Variants in AGO2 observed in about 807,000 individuals in gnomAD.
The protein encoded by AGO2 is argonaute RISC catalytic component 2, also known as protein argonaute-2.
In AGO2, 5 loss-of-function variants were observed where a neutral mutation model predicts 102.3. That is an observed-to-expected ratio of 0.05 (90% CI 0.03 to 0.10). The LOEUF is 0.10. Among genes scored for constraint, AGO2 ranks in the 10% least tolerant of loss-of-function variants. The probability of loss-of-function intolerance (pLI) is 1.00; values close to 1 mark genes in which losing one functional copy is unlikely to be tolerated. For synonymous variants in AGO2, 449 were observed against 473.1 expected (o/e 0.95, Z 0.66); for missense variants, 541 against 1,183.7 (o/e 0.46, Z 7.97).
At chr8:140,549,573 A>T (rs947857614) in intron 11 of AGO2, among the ~76,000 whole-genome samples, 1 of 152,262 alleles carries the variant, frequency 6.6e-6, no homozygotes, top group African/African-American at 2.4e-5. Flanking sequence ...GTAACACAGC[A>T]GCCTTTAAAC....
Position 140,624,810 on chromosome 8 carries a change from A to T in AGO2, c.22+10675T>A, listed in dbSNP as rs192431313. On this transcript the variant is annotated intron_variant, in intron 1 of 18. Transcript: ENST00000220592. ...GACATCTTCTGAAACATCTGTCAAC[A>T]AGACGATGCCACTGGGATCTGCAAT... 7.0e-3 allele frequency among the ~76,000 whole-genome samples: 1,065 copies of T among 152,364 alleles called. 7 individuals are homozygous for T. Among genetic ancestry groups the T allele is most frequent in the Non-Finnish European group, 0.012 (839 of 68,028 alleles).
At chr8:140,629,901 GGGAGCGGAGGCGAGGGGAGGGGAGC>G (rs2074321061) in intron 1 of AGO2, among the ~76,000 whole-genome samples, 2 of 143,426 alleles carry the variant, frequency 1.4e-5, no homozygotes, top group Admixed American at 6.9e-5. Context: ...GGGAGGGGAG[GGGAGCGGAGGCGAGGGGAGGGGAGC>G]GGAGGGGAGA....
At chr8:140,628,425 C>T (rs866841389) in intron 1 of AGO2, among the ~76,000 whole-genome samples, 3 of 152,092 alleles carry the variant, frequency 2.0e-5, no homozygotes, top group East Asian at 1.9e-4. Context: ...TACCTGTGTG[C>T]GTGTGTGTAC....
At chr8:140,629,072 C>G (rs576470425) in intron 1 of AGO2, among the ~76,000 whole-genome samples, 228 of 152,176 alleles carry the variant, frequency 1.5e-3, no homozygotes, top group African/African-American at 5.2e-3. Context: ...GACTGGGCAA[C>G]AGAGAGAGAC....
At chr8:140,535,649 C>T (rs780863106) in intron 16 of AGO2, 80 bp from the exon 17 acceptor site, 19 of 1,384,608 alleles carry the variant, frequency 1.4e-5, no homozygotes, top group Admixed American at 3.4e-5. Context: ...CCGCGCCGCC[C>T]GCTGGCCAGG....
intron 1 of AGO2, among the ~76,000 whole-genome samples, chr8:140,595,949 T>TATATAATATATATTTTATATATA (rs1554708941): frequency 8.8e-6 from 1 of 113,764 alleles, no homozygotes; most frequent in Non-Finnish European, 1.7e-5. Flanking sequence ...ATATATATTT[T>TATATAATATATATTTTATATATA]ATATATAATA....
In AGO2 at chr8:140,558,550, G is replaced by A. The variant is rs1416829323; in HGVS notation, c.813C>T (p.His271=). Residue 271 remains histidine, a synonymous_variant, in exon 7 of 19, where the codon CAC becomes CAT. Transcript: ENST00000220592. ...GGTACTTCCTCTTCATCTGCCCACAGTGCGTTATCTCCACCTTTAGACCTG... is the reference window on the plus strand; with the variant it reads ...GGTACTTCCTCTTCATCTGCCCACAATGCGTTATCTCCACCTTTAGACCTG... ...EIKGLKVEIT[H]CGQMKRKYRV... The A allele has an allele frequency of 1.9e-6, 3 of 1,614,244 alleles. No homozygotes were observed. The highest frequency in any genetic ancestry group is 2.5e-6 in the Non-Finnish European group (3 of 1,180,042).
At chr8:140,552,738 GCGCACACACACACA>G (rs766698753) in intron 10 of AGO2, among the ~76,000 whole-genome samples, 1,743 of 97,408 alleles carry the variant, frequency 0.018, 33 homozygotes, top group African/African-American at 0.072. Context: ...ACGCGCGCGC[GCGCACACACACACA>G]CACACACACA....
chr8:140,571,110 A>G (rs1418947100), intron 3 of AGO2, among the ~76,000 whole-genome samples: 2 of 152,224 alleles, frequency 1.3e-5, no homozygotes, highest in African/African-American at 4.8e-5. Flanking sequence ...CATTTGGTCT[A>G]GGACTTGCTC....
intron 11 of AGO2, among the ~76,000 whole-genome samples, chr8:140,550,340 T>C (rs1488802912): frequency 3.3e-5 from 5 of 152,224 alleles, no homozygotes; most frequent in Admixed American, 2.6e-4. Context: ...AAAGACTTTA[T>C]GTTCCCTTTG....
rs772281847 is a variant in AGO2 at position 140,557,557 on chromosome 8, C to T, written c.879-321G>A. Reference sequence around the variant, plus strand: ...AAGGCCTGCGCGTCTTCCAGCAGACCGTGGTGACCCTGGAAGCCTTTTACG... The same window carrying T: ...AAGGCCTGCGCGTCTTCCAGCAGACTGTGGTGACCCTGGAAGCCTTTTACG... On this transcript the variant is annotated intron_variant, in intron 7 of 18. Transcript: ENST00000220592. The surrounding 1 kb of genome is among the most constrained non-coding windows in gnomAD (Gnocchi z 5.9). 3.3e-5 allele frequency among the ~76,000 whole-genome samples: 5 copies of T among 152,200 alleles called. No individual in the cohort carries two copies. The highest frequency in any genetic ancestry group is 5.9e-5 in the Non-Finnish European group (4 of 68,044).
chr8:140,578,534 G>A (rs561070840), intron 2 of AGO2, among the ~76,000 whole-genome samples: 1 of 152,336 alleles, frequency 6.6e-6, no homozygotes, highest in South Asian at 2.1e-4. Context: ...GCAGGCACTG[G>A]AAAGTGAGCA....
At position 140,524,774 on chromosome 8, in the gene AGO2, A is replaced by T. The variant is rs1394342299; in HGVS notation, c.*7270T>A. The T allele has an allele frequency of 6.6e-6, 1 of 151,588 alleles. No homozygotes were observed. The highest frequency in any genetic ancestry group is 1.5e-5 in the Non-Finnish European group (1 of 67,992). 9.4% of individuals were successfully genotyped at this position (151,588 alleles called of 1,614,324 possible). On this transcript the variant is annotated 3_prime_UTR_variant, in exon 19 of 19. Transcript: ENST00000220592. ...GCACACAACTCCCAGAGTTCAAAGGAGCCCCGGACCCCTACACGAGCACCC... is the reference window on the plus strand; with the variant it reads ...GCACACAACTCCCAGAGTTCAAAGGTGCCCCGGACCCCTACACGAGCACCC...
At chr8:140,546,040 G>A (rs1403800130) in intron 13 of AGO2, among the ~76,000 whole-genome samples, 1 of 152,160 alleles carries the variant, frequency 6.6e-6, no homozygotes, top group Non-Finnish European at 1.5e-5. Flanking sequence ...CAGGACTTCC[G>A]GCCCGGTGCT....
At chr8:140,584,105 CG>C (rs1383665903) in intron 2 of AGO2, among the ~76,000 whole-genome samples, 2 of 141,228 alleles carry the variant, frequency 1.4e-5, no homozygotes, top group African/African-American at 5.3e-5. Context: ...AAAACTCTCA[CG>C]GATCAATAAC....
At chr8:140,561,423 G>A (rs780812728) in intron 4 of AGO2, among the ~76,000 whole-genome samples, 2 of 152,202 alleles carry the variant, frequency 1.3e-5, no homozygotes, top group Non-Finnish European at 2.9e-5. Flanking sequence ...ATTAATGTAA[G>A]TAATCCAAAG....
intron 1 of AGO2, among the ~76,000 whole-genome samples, chr8:140,617,867 A>C (rs1237919576): frequency 1.3e-5 from 2 of 152,066 alleles, no homozygotes; most frequent in Non-Finnish European, 2.9e-5. Flanking sequence ...AAAATAAAAA[A>C]GCCAGGTGTG....
At chr8:140,553,543 G>C (rs2132920508) in intron 10 of AGO2, among the ~76,000 whole-genome samples, 1 of 151,886 alleles carries the variant, frequency 6.6e-6, no homozygotes, top group Middle Eastern at 3.4e-3. Context: ...CCGAGTAGCT[G>C]GGATTACAGG....
intron 1 of AGO2, among the ~76,000 whole-genome samples, chr8:140,631,321 C>A (rs1296790407): frequency 6.6e-6 from 1 of 152,128 alleles, no homozygotes; most frequent in Non-Finnish European, 1.5e-5. Flanking sequence ...GCAGGTAGAT[C>A]ACCTGAGGTT....
Sources: gnomAD v4.1 joint callset for allele counts (sites outside exome capture counted in the v4.1 genomes callset) on GRCh38, gnomAD v4.1.1 for gene constraint, Gnocchi (gnomAD v3.1) non-coding constraint, MANE v1.5 for transcripts, NCBI Gene and HGNC (gene_info 2026-07-23, HGNC 2026-07-21) for gene names.